The following WASL variants were observed in gnomAD, a reference collection of about 807,000 sequenced individuals.
WASL encodes WASP like actin nucleation promoting factor, also known as actin nucleation-promoting factor WASL.
A neutral mutation model predicts 55.5 loss-of-function variants in WASL; 20 were observed. That is an observed-to-expected ratio of 0.36 (90% CI 0.25 to 0.52). The LOEUF (loss-of-function observed/expected upper bound fraction) is 0.52, where lower values mean the gene tolerates loss of function less well. Ranked by LOEUF, WASL falls within the 20% of genes least tolerant of loss-of-function variation. The pLI is 0.92. For synonymous variants in WASL, 249 were observed against 217.6 expected, an observed-to-expected ratio of 1.14 and a Z score of -1.27; for missense variants, 504 against 622.5, an observed-to-expected ratio of 0.81 and a Z score of 2.03.
At chr7:123,699,116 T>A (rs569961412) in intron 5 of WASL, among the ~76,000 whole-genome samples, 49 of 152,320 alleles carry the variant, frequency 3.2e-4, no homozygotes, top group African/African-American at 1.0e-3. Context: ...CCAGGCACAG[T>A]GGCTCACGCC....
intron 5 of WASL, among the ~76,000 whole-genome samples, chr7:123,702,189 G>C (rs1262879848): frequency 6.6e-6 from 1 of 151,930 alleles, no homozygotes; most frequent in African/African-American, 2.4e-5. Context: ...CCGAGTAGCT[G>C]GGATTACAGA....
intron 5 of WASL, among the ~76,000 whole-genome samples, chr7:123,700,042 G>A (rs1356580779): frequency 6.6e-6 from 1 of 151,536 alleles, no homozygotes; most frequent in Non-Finnish European, 1.5e-5. Flanking sequence ...CGGGCATGGT[G>A]GCGCGCGCCT....
At position 123,706,271 on chromosome 7, in the gene WASL, G is replaced by T; in HGVS notation, c.436+6C>A. ...GGCCTGATTTAAGTAATTAAAAAAG[G>T]GTTACCAGATTTCCTTTGTCGACGG... On this transcript the variant is annotated splice_donor_region_variant and intron_variant, in intron 4 of 10. Coordinates refer to ENST00000223023, the MANE Select transcript of WASL (RefSeq NM_003941.4). The T allele has an allele frequency of 1.9e-6, 3 of 1,612,696 alleles. No individual in the cohort carries two copies. The highest frequency in any genetic ancestry group is 3.3e-4 in the Middle Eastern group (2 of 6,056).
At chr7:123,743,155 G>C (rs1351059152) in intron 1 of WASL, among the ~76,000 whole-genome samples, 1 of 152,022 alleles carries the variant, frequency 6.6e-6, no homozygotes, top group Non-Finnish European at 1.5e-5. Flanking sequence ...TGGCCAGCAT[G>C]GTGAAACCCT....
chr7:123,742,861 T>C (rs1044867746), intron 1 of WASL, among the ~76,000 whole-genome samples: 3 of 152,226 alleles, frequency 2.0e-5, no homozygotes, highest in Non-Finnish European at 2.9e-5. Context: ...TGCTTAGATA[T>C]ATGCTATATT....
In WASL at chr7:123,683,984, TGA is replaced by T. The variant is rs768914160; in HGVS notation, c.*533_*534del. ...TTATGTAGAGCATATTGCTAAAATT[TGA>T]GAAACTACATCGGTGTAGTGATGTC... is the stretch of plus-strand genomic sequence containing the variant. On this transcript the variant is annotated 3_prime_UTR_variant, in exon 11 of 11. Coordinates refer to ENST00000223023, the MANE Select transcript of WASL (RefSeq NM_003941.4). The T allele has an allele frequency of 1.3e-5, 2 of 151,982 alleles. No individual in the cohort carries two copies. The highest frequency in any genetic ancestry group is 2.9e-5 in the Non-Finnish European group (2 of 67,932). 9.4% of individuals were successfully genotyped at this position (151,982 alleles called of 1,614,324 possible). A position where few individuals can be genotyped will look rare whatever the true frequency, so the allele number is the denominator to read the frequency against.
At chr7:123,707,540 T>C (rs976341806) in intron 2 of WASL, among the ~76,000 whole-genome samples, 4 of 152,254 alleles carry the variant, frequency 2.6e-5, no homozygotes, top group East Asian at 1.9e-4. Context: ...TGTCCAGCAA[T>C]TGGAAATAAG....
chr7:123,739,876 A>ATGTGTG (rs745649691), intron 1 of WASL, among the ~76,000 whole-genome samples: 4 of 115,528 alleles, frequency 3.5e-5, no homozygotes, highest in African/African-American at 6.3e-5. Flanking sequence ...ACATTTATAT[A>ATGTGTG]TGTGTGTGTG....
chr7:123,739,917 T>C (rs1365410855), intron 1 of WASL, among the ~76,000 whole-genome samples: 1 of 12,044 alleles, frequency 8.3e-5, no homozygotes, highest in East Asian at 3.3e-3. Flanking sequence ...TGTGTGTGTA[T>C]ATATATATAT....
chr7:123,723,839 T>C (rs1010068354), intron 1 of WASL, among the ~76,000 whole-genome samples: 2 of 152,182 alleles, frequency 1.3e-5, no homozygotes, highest in African/African-American at 4.8e-5. Context: ...AGCCAAAAAA[T>C]TCCTTTTTGG....
chr7:123,745,401 A>C (rs540508160), intron 1 of WASL, among the ~76,000 whole-genome samples: 2 of 152,044 alleles, frequency 1.3e-5, no homozygotes, highest in Admixed American at 1.3e-4. Context: ...TACTTCCCCA[A>C]CTGTATCTCC....
intron 10 of WASL, among the ~76,000 whole-genome samples, chr7:123,687,305 C>T (rs1240795764): frequency 1.3e-5 from 2 of 152,282 alleles, no homozygotes; most frequent in Admixed American, 1.3e-4. Flanking sequence ...GGCTTCCCAT[C>T]ATATGCAGAA....
intron 9 of WASL, among the ~76,000 whole-genome samples, chr7:123,690,466 T>A (rs1242854494): frequency 6.9e-6 from 1 of 143,910 alleles, no homozygotes; most frequent in African/African-American, 2.5e-5. Context: ...TTTCAAAAAA[T>A]AACGAACTCG....
In WASL at chr7:123,696,585, T is replaced by C; in HGVS notation, c.623A>G (p.Asn208Ser). Residue 208 changes from asparagine to serine, a missense_variant, in exon 6 of 11, where the codon AAT becomes AGT. By Grantham distance (46) the Asn-to-Ser change is conservative. Transcript: ENST00000223023. ...LTKADIGTPS[N>S]FQHIGHVGWD... is the part of the protein sequence containing the mutation. ...AACAAAAGAACTGTCTTACTGGAAA[T>C]TGCTTGGTGTTCCTATATCTGCCTT... 1 of 1,573,626 alleles carries C rather than the reference T, an allele frequency of 6.4e-7. No individual in the cohort carries two copies. The highest frequency in any genetic ancestry group is 8.6e-7 in the Non-Finnish European group (1 of 1,162,368).
At chr7:123,722,712 T>C (rs1324642098) in intron 1 of WASL, among the ~76,000 whole-genome samples, 2 of 151,906 alleles carry the variant, frequency 1.3e-5, no homozygotes, top group Non-Finnish European at 2.9e-5. Context: ...CCCAGAGGTA[T>C]GAGAATTGCT....
intron 5 of WASL, among the ~76,000 whole-genome samples, chr7:123,701,581 A>G (rs550536919): frequency 3.2e-4 from 48 of 152,370 alleles, no homozygotes; most frequent in African/African-American, 1.1e-3. Context: ...TAAATTCTAC[A>G]TAAAGTATCT....
At chr7:123,725,286 C>T (rs1161129165) in intron 1 of WASL, among the ~76,000 whole-genome samples, 2 of 152,024 alleles carry the variant, frequency 1.3e-5, no homozygotes, top group African/African-American at 4.8e-5. Flanking sequence ...TATTAAATTA[C>T]TCAATAAATA....
At chr7:123,725,176 C>A (rs1331977924) in intron 1 of WASL, among the ~76,000 whole-genome samples, 3 of 152,172 alleles carry the variant, frequency 2.0e-5, no homozygotes, top group Non-Finnish European at 4.4e-5. Flanking sequence ...ATTTGGTTAA[C>A]TGAACAATTT....
intron 10 of WASL, among the ~76,000 whole-genome samples, chr7:123,686,199 ATTATTTAT>A (rs996186882): frequency 2.6e-5 from 4 of 151,570 alleles, no homozygotes; most frequent in African/African-American, 7.3e-5. Context: ...ATAATTATTT[ATTATTTAT>A]TTATTTATTT....
Sources: gnomAD v4.1 joint callset for allele counts (sites outside exome capture counted in the v4.1 genomes callset) on GRCh38, gnomAD v4.1.1 for gene constraint, MANE v1.5 for transcripts, NCBI Gene and HGNC (gene_info 2026-07-23, HGNC 2026-07-21) for gene names.